LPAR6: variants seen among roughly 807,000 people sequenced by gnomAD.
LPAR6 encodes the protein lysophosphatidic acid receptor 6.
LPAR6 carries 17 observed loss-of-function variants against 22.0 expected under a neutral mutation model. The observed-to-expected ratio is 0.77, with a 90% CI of 0.53 to 1.16. LPAR6 has a LOEUF of 1.16. LPAR6 is among the 50% of genes most tolerant of loss of function. The pLI is 0.00. For missense variants in LPAR6, 384 were observed against 406.9 expected (o/e 0.94, Z 0.48); for synonymous variants, 136 against 139.8 (o/e 0.97, Z 0.19).
chr13:48,401,491 C>T (rs1948691356), intron 1 of LPAR6: 1 of 152,140 alleles, frequency 6.6e-6, no homozygotes, highest in South Asian at 2.1e-4. Context: ...CTTCAATCAT[C>T]TAAGCTTACT....
chr13:48,405,949 TC>T (rs1440438613), intron 1 of LPAR6, among the ~76,000 whole-genome samples: 1 of 152,208 alleles, frequency 6.6e-6, no homozygotes, highest in Non-Finnish European at 1.5e-5. Context: ...TCATTCCATA[TC>T]AATTTATAGA....
chr13:48,403,573 A>G (rs774161484), intron 1 of LPAR6, among the ~76,000 whole-genome samples: 2 of 152,178 alleles, frequency 1.3e-5, no homozygotes, highest in Non-Finnish European at 2.9e-5. Flanking sequence ...TAGCAGATAC[A>G]GAGAGTGGGG....
intron 1 of LPAR6, among the ~76,000 whole-genome samples, chr13:48,438,761 A>G (rs1949207973): frequency 6.6e-6 from 1 of 152,206 alleles, no homozygotes; most frequent in Non-Finnish European, 1.5e-5. Context: ...ATTAAATAAT[A>G]TAAGTAATGT....
At chr13:48,433,670 T>G (rs1212356642) in intron 1 of LPAR6, among the ~76,000 whole-genome samples, 4 of 118,898 alleles carry the variant, frequency 3.4e-5, no homozygotes, top group African/African-American at 2.9e-5. Context: ...GTTTTACTGT[T>G]AACAAAAATG....
intron 1 of LPAR6, chr13:48,391,314 T>A (rs1948608969): frequency 6.6e-6 from 1 of 152,204 alleles, no homozygotes; most frequent in South Asian, 2.1e-4. Flanking sequence ...TACAATACAC[T>A]CATAACTTTT....
downstream of LPAR6, among the ~76,000 whole-genome samples, chr13:48,407,913 T>G (rs1948754047): frequency 1.3e-5 from 2 of 152,148 alleles, no homozygotes; most frequent in East Asian, 3.8e-4. Flanking sequence ...AAAGTTTAGG[T>G]GCTGGAAGGT....
chr13:48,408,687 C>T (rs1285890558), downstream of LPAR6: 2 of 152,024 alleles, frequency 1.3e-5, no homozygotes, highest in Non-Finnish European at 2.9e-5. Flanking sequence ...TTCCATAGTT[C>T]TAGATGAGAA....
chr13:48,413,896 T>A (rs1176315229), upstream of LPAR6, among the ~76,000 whole-genome samples: 2 of 152,184 alleles, frequency 1.3e-5, no homozygotes, highest in Non-Finnish European at 2.9e-5. Context: ...ATCCTACTAC[T>A]TGGCAAAATT....
Position 48,411,445 on chromosome 13 carries a change from G to A in LPAR6, c.979C>T (p.Gln327Ter). 6.2e-7 allele frequency: 1 copy of A among 1,613,232 alleles called. No homozygotes were observed. Among genetic ancestry groups the A allele is most frequent in the Non-Finnish European group, 8.5e-7 (1 of 1,179,688 alleles). ...SEVHGAENFI[Q>*]HNLQTLKSKI... ...CTTTTTAAGGTCTGTAGGTTATGCT[G>A]AATAAAATTCTCTGCACCATGAACT... Residue 327 changes from glutamine (Q) to a stop codon, truncating the protein, a stop_gained, in exon 1 of 1, where the codon CAG becomes TAG. Transcript: ENST00000620633. LOFTEE classifies it high-confidence loss of function.
chr13:48,396,862 G>T (rs1352504562), intron 1 of LPAR6, among the ~76,000 whole-genome samples: 2 of 152,148 alleles, frequency 1.3e-5, no homozygotes, highest in African/African-American at 2.4e-5. Context: ...CTCAAAAGAA[G>T]ATATTTATGT....
At chr13:48,439,709 T>C (rs1483401086) in intron 1 of LPAR6, 4 of 152,192 alleles carry the variant, frequency 2.6e-5, no homozygotes, top group African/African-American at 9.6e-5. Flanking sequence ...AGATTCACAG[T>C]AGAGTCTGTA....
intron 1 of LPAR6, among the ~76,000 whole-genome samples, chr13:48,426,049 GA>G (rs1461756897): frequency 6.6e-6 from 1 of 152,104 alleles, no homozygotes; most frequent in Non-Finnish European, 1.5e-5. Flanking sequence ...ATGCATAAAG[GA>G]TAATAGAAAG....
chr13:48,417,268 T>G (rs1593493159), upstream of LPAR6: 1 of 152,968 alleles, frequency 6.5e-6, no homozygotes, highest in East Asian at 1.9e-4. Context: ...CCTCTGCTGG[T>G]GATATCCAGA....
chr13:48,442,266 T>C (rs1031506639), intron 1 of LPAR6, among the ~76,000 whole-genome samples: 1 of 152,008 alleles, frequency 6.6e-6, no homozygotes, highest in African/African-American at 2.4e-5. Flanking sequence ...AGTGGCACCA[T>C]CTCCACTCAC....
intron 1 of LPAR6, among the ~76,000 whole-genome samples, chr13:48,425,961 A>C (rs1949073840): frequency 6.6e-6 from 1 of 152,206 alleles, no homozygotes. Flanking sequence ...AAAACTAAAA[A>C]CTGGGTCCTC....
At chr13:48,440,314 A>G (rs950169088) in intron 1 of LPAR6, among the ~76,000 whole-genome samples, 1 of 152,202 alleles carries the variant, frequency 6.6e-6, no homozygotes, top group African/African-American at 2.4e-5. Context: ...AGTGGTTGAA[A>G]TTTGGGAGAT....
At chr13:48,417,811 GA>G (rs1284784297), upstream of LPAR6, among the ~76,000 whole-genome samples, 1 of 152,184 alleles carries the variant, frequency 6.6e-6, no homozygotes, top group Non-Finnish European at 1.5e-5. Flanking sequence ...AATAAAGTGT[GA>G]AGACAAGATT....
intron 1 of LPAR6, among the ~76,000 whole-genome samples, chr13:48,433,682 A>ATT (rs10665957): frequency 0.84 from 123,928 of 147,278 alleles, 53,828 homozygotes; most frequent in Non-Finnish European, 0.96. Flanking sequence ...ACAAAAATGC[A>ATT]TTTTTTTTTT....
At chr13:48,402,065 A>G (rs1389533504) in intron 1 of LPAR6, among the ~76,000 whole-genome samples, 1 of 152,168 alleles carries the variant, frequency 6.6e-6, no homozygotes, top group Non-Finnish European at 1.5e-5. Context: ...TTTAAACATT[A>G]AGATGAAAAA....
Sources: allele counts gnomAD v4.1 joint callset (sites outside exome capture counted in the v4.1 genomes callset), GRCh38; gene constraint gnomAD v4.1.1; transcripts MANE v1.5; gene names NCBI Gene and HGNC (gene_info 2026-07-23, HGNC 2026-07-21).